The following NEK1 variants were observed in gnomAD, a reference collection of about 807,000 sequenced individuals.
The protein encoded by NEK1 is serine/threonine-protein kinase Nek1.
NEK1 carries 137 observed loss-of-function variants against 182.1 expected under a neutral mutation model. The observed-to-expected ratio is 0.75, with a 90% CI of 0.65 to 0.87. NEK1 has a LOEUF of 0.87. Ranked by LOEUF, NEK1 falls within the 40% of genes least tolerant of loss-of-function variation. NEK1 has a pLI of 0.00. For missense variants in NEK1, 1,391 were observed against 1,494.4 expected, an observed-to-expected ratio of 0.93 and a Z score of 1.14; for synonymous variants, 513 against 492.2, an observed-to-expected ratio of 1.04 and a Z score of -0.56.
intron 2 of NEK1, among the ~76,000 whole-genome samples, chr4:169,609,574 T>A (rs1367219454): frequency 1.3e-5 from 2 of 152,156 alleles, no homozygotes. Flanking sequence ...TAAGTATATA[T>A]GCTTACAGTT....
At chr4:169,437,485 G>A (rs1231288324) in intron 28 of NEK1, among the ~76,000 whole-genome samples, 1 of 152,152 alleles carries the variant, frequency 6.6e-6, no homozygotes, top group Admixed American at 6.5e-5. Flanking sequence ...GGTGGGTTCT[G>A]TTTGCCCTCC....
At chr4:169,454,018 T>C (rs755381210) in intron 27 of NEK1, among the ~76,000 whole-genome samples, 2 of 152,106 alleles carry the variant, frequency 1.3e-5, no homozygotes, top group African/African-American at 2.4e-5. Context: ...GCTTCAGAAA[T>C]AATGCCACAC....
At chr4:169,584,430 G>C (rs2150067246) in intron 10 of NEK1, among the ~76,000 whole-genome samples, 1 of 152,020 alleles carries the variant, frequency 6.6e-6, no homozygotes, top group African/African-American at 2.4e-5. Context: ...TGGGCAATAT[G>C]GTGAGTCTCT....
At chr4:169,419,883 T>C (rs375324092) in intron 31 of NEK1, among the ~76,000 whole-genome samples, 8 of 152,126 alleles carry the variant, frequency 5.3e-5, no homozygotes, top group Non-Finnish European at 7.4e-5. Flanking sequence ...AAATACCATA[T>C]AAAAGATTAA....
chr4:169,532,545 G>A (rs913349796), intron 19 of NEK1, among the ~76,000 whole-genome samples: 2 of 152,152 alleles, frequency 1.3e-5, no homozygotes, highest in East Asian at 1.9e-4. Context: ...TGGTGATAAC[G>A]AGGGAGGCTA....
At chr4:169,429,958 G>T (rs1025923763) in intron 29 of NEK1, among the ~76,000 whole-genome samples, 4 of 151,980 alleles carry the variant, frequency 2.6e-5, no homozygotes, top group African/African-American at 9.7e-5. Context: ...TTTGTTGAAT[G>T]ATTTCAGAAA....
In NEK1 at chr4:169,392,975, T is replaced by C. The variant is rs1000205805; in HGVS notation, c.*1535A>G. ...TAATCGACTGGAGATGGCACAAATCTTATTGATCATCCTTATTCCTGCACA... is the reference window on the plus strand; with the variant it reads ...TAATCGACTGGAGATGGCACAAATCCTATTGATCATCCTTATTCCTGCACA... On this transcript the variant is annotated 3_prime_UTR_variant, in exon 36 of 36. Coordinates refer to ENST00000507142, the MANE Select transcript of NEK1 (RefSeq NM_001199397.3). 5 of 152,196 alleles carry C rather than the reference T, an allele frequency of 3.3e-5. No homozygotes were observed. Among genetic ancestry groups the C allele is most frequent in the Non-Finnish European group, 5.9e-5 (4 of 68,022 alleles). The allele number at this position is 152,196 out of a possible 1,614,324, so 9.4% of individuals were successfully genotyped here. A position where few individuals can be genotyped will look rare whatever the true frequency, so the allele number is the denominator to read the frequency against.
intron 23 of NEK1, among the ~76,000 whole-genome samples, chr4:169,482,872 T>C (rs1049620176): frequency 6.6e-6 from 1 of 152,182 alleles, no homozygotes. Flanking sequence ...CCTGATCTCA[T>C]GATCCACCTG....
intron 19 of NEK1, among the ~76,000 whole-genome samples, chr4:169,527,439 G>T (rs1471490658): frequency 6.6e-6 from 1 of 152,120 alleles, no homozygotes; most frequent in Non-Finnish European, 1.5e-5. Context: ...AAACATGTCT[G>T]ACAGTTAAAA....
At chr4:169,447,605 G>A (rs970412386) in intron 27 of NEK1, among the ~76,000 whole-genome samples, 9 of 152,072 alleles carry the variant, frequency 5.9e-5, no homozygotes, top group Non-Finnish European at 8.8e-5. Context: ...AATTATTCAC[G>A]CCTGTAATCC....
At chr4:169,429,033 AT>A (rs922489194) in intron 29 of NEK1, among the ~76,000 whole-genome samples, 30 of 150,940 alleles carry the variant, frequency 2.0e-4, no homozygotes, top group African/African-American at 7.3e-4. Flanking sequence ...CTTAGATGCA[AT>A]TTTTTTTTCA....
intron 26 of NEK1, among the ~76,000 whole-genome samples, chr4:169,465,150 A>G (rs937568645): frequency 1.1e-4 from 16 of 152,176 alleles, no homozygotes; most frequent in African/African-American, 3.4e-4. Flanking sequence ...AATGATTACC[A>G]AGAGGAATTT....
At chr4:169,449,862 G>A (rs546333816) in intron 27 of NEK1, among the ~76,000 whole-genome samples, 2 of 152,254 alleles carry the variant, frequency 1.3e-5, no homozygotes, top group African/African-American at 2.4e-5. Context: ...TCAGAAGGTC[G>A]GTAATAACAA....
chr4:169,561,829 T>C lies in NEK1; in HGVS notation c.1140+3A>G. 1 of 1,610,042 alleles carries C rather than the reference T, an allele frequency of 6.2e-7. No homozygotes were observed. The highest frequency in any genetic ancestry group is 8.5e-7 in the Non-Finnish European group (1 of 1,178,356). ...AGGTAGAAAAACAAGAGCAAAAAAC[T>C]ACCTGATCCTTTTGTTTCTTTTCTT... On this transcript the variant is annotated splice_donor_region_variant and intron_variant, in intron 14 of 35. Transcript: ENST00000507142.
intron 27 of NEK1, among the ~76,000 whole-genome samples, chr4:169,441,236 C>T (rs1156540824): frequency 6.6e-6 from 1 of 152,202 alleles, no homozygotes; most frequent in East Asian, 1.9e-4. Context: ...CCCCTAGCAC[C>T]TGGGTGAATG....
intron 27 of NEK1, among the ~76,000 whole-genome samples, chr4:169,442,234 A>T (rs1739601693): frequency 6.6e-6 from 1 of 152,220 alleles, no homozygotes; most frequent in African/African-American, 2.4e-5. Context: ...CTGGGGCCTG[A>T]GGACTGGCTC....
At chr4:169,406,226 C>T (rs1732581683) in intron 32 of NEK1, among the ~76,000 whole-genome samples, 1 of 152,132 alleles carries the variant, frequency 6.6e-6, no homozygotes, top group African/African-American at 2.4e-5. Flanking sequence ...GTCCAACCCA[C>T]ACTCCAGCTA....
intron 23 of NEK1, 41 bp downstream of exon 23, chr4:169,506,996 T>C (rs376020627): frequency 1.2e-4 from 166 of 1,384,524 alleles, no homozygotes; most frequent in Non-Finnish European, 1.3e-4. Context: ...GCTATAAAAA[T>C]GTTAATACAA....
At chr4:169,467,088 TA>T (rs1419580060) in intron 26 of NEK1, among the ~76,000 whole-genome samples, 1 of 152,138 alleles carries the variant, frequency 6.6e-6, no homozygotes, top group Non-Finnish European at 1.5e-5. Context: ...TAATAGTAAA[TA>T]TATTTTCTCA....
Sources: gnomAD v4.1 joint callset for allele counts (sites outside exome capture counted in the v4.1 genomes callset) on GRCh38, gnomAD v4.1.1 for gene constraint, MANE v1.5 for transcripts, NCBI Gene and HGNC (gene_info 2026-07-23, HGNC 2026-07-21) for gene names.